The following IFNAR2 variants were observed in gnomAD, a reference collection of about 807,000 sequenced individuals.
IFNAR2 encodes interferon alpha/beta receptor 2.
In IFNAR2, 30 loss-of-function variants were observed where a neutral mutation model predicts 49.4. That is an observed-to-expected ratio of 0.61 (90% confidence interval 0.45 to 0.82). The LOEUF is 0.82. IFNAR2 is among the 40% of genes least tolerant of loss of function. IFNAR2 has a pLI of 0.00. For synonymous variants in IFNAR2, 224 were observed against 234.5 expected (o/e 0.96, Z 0.41); for missense variants, 600 against 622.7 (o/e 0.96, Z 0.39).
rs1242089704 is a variant in IFNAR2 at position 33,263,365 on chromosome 21, G to A, written c.1413G>A (p.Leu471=). The A allele has an allele frequency of 1.9e-6, 3 of 1,614,144 alleles. No homozygotes were observed. In the East Asian group the frequency reaches 6.7e-5, roughly 36 times the overall value. The stretch of plus-strand genomic sequence containing the variant: ...ATAATGTGCAATCAAACCATTTGCT[G>A]GCCAGCGGGGAAGGGACACAGCCAA... ...DPDNVQSNHL[L]ASGEGTQPTF... Residue 471 remains leucine, a synonymous_variant, in exon 9 of 9, where the codon CTG becomes CTA. Transcript: ENST00000342136.
At chr21:33,246,201 G>T (rs974637263) in intron 4 of IFNAR2, among the ~76,000 whole-genome samples, 1 of 152,016 alleles carries the variant, frequency 6.6e-6, no homozygotes, top group Non-Finnish European at 1.5e-5. Flanking sequence ...CTCCCAAGTA[G>T]CTGGGACTAC....
chr21:33,242,590 G>A (rs537084826), intron 2 of IFNAR2, among the ~76,000 whole-genome samples: 33 of 151,468 alleles, frequency 2.2e-4, no homozygotes, highest in African/African-American at 6.1e-4. Flanking sequence ...AAAATTAGGC[G>A]GGCGTGGTGG....
At position 33,246,700 on chromosome 21, in the gene IFNAR2, AT is replaced by A. The variant is rs756745859; in HGVS notation, c.222-11del. The A allele has an allele frequency of 1.9e-6, 3 of 1,600,026 alleles. No individual in the cohort carries two copies. The highest frequency in any genetic ancestry group is 1.3e-5 in the African/African-American group (1 of 74,146). Reference sequence around the variant, plus strand: ...TCAATGCTAACAATTTCCTTTTTCCATTTTTTTCTTTCCAAAGTAAACCAGA... The same window carrying A: ...TCAATGCTAACAATTTCCTTTTTCCATTTTTTCTTTCCAAAGTAAACCAGA... On this transcript the variant is annotated splice_polypyrimidine_tract_variant and intron_variant, in intron 4 of 8. Transcript: ENST00000342136.
At chr21:33,253,819 G>A (rs4817555) in intron 7 of IFNAR2, among the ~76,000 whole-genome samples, 19,407 of 152,168 alleles carry the variant, frequency 0.13, 1,606 homozygotes, top group Non-Finnish European at 0.17. Flanking sequence ...TGGTGAGAGT[G>A]TGGCAGTGAG....
chr21:33,251,820 C>T (rs1293487505), intron 6 of IFNAR2: 33 of 967,654 alleles, frequency 3.4e-5, no homozygotes, highest in Non-Finnish European at 3.9e-5. Context: ...CAGTGGCTTA[C>T]GCCTGTAATC....
chr21:33,231,726 G>C, intron 1 of IFNAR2: 1 of 981,056 alleles, frequency 1.0e-6, no homozygotes, highest in Non-Finnish European at 1.2e-6. Context: ...ATCATGTTTT[G>C]TTTTGTTTGG....
At chr21:33,245,785 T>C (rs1227513098) in intron 4 of IFNAR2, among the ~76,000 whole-genome samples, 1 of 152,212 alleles carries the variant, frequency 6.6e-6, no homozygotes, top group African/African-American at 2.4e-5. Flanking sequence ...GCTTATTGAC[T>C]GAGCCAGTGG....
Position 33,230,245 on chromosome 21 carries a change from C to T in IFNAR2, c.-84+29C>T. 9.1e-7 allele frequency: 1 copy of T among 1,093,912 alleles called. No homozygotes were observed. Among genetic ancestry groups the T allele is most frequent in the South Asian group, 2.0e-5 (1 of 49,922 alleles). 67.8% of individuals were successfully genotyped at this position (1,093,912 alleles called of 1,614,324 possible). A position where few individuals can be genotyped will look rare whatever the true frequency, so the allele number is the denominator to read the frequency against. On this transcript the variant is annotated intron_variant, in intron 1 of 8. Transcript: ENST00000342136. The surrounding 1 kb of genome is among the most constrained non-coding windows in gnomAD (Gnocchi z 5.5). ...ACGCAGCGTGGCGGGGTCGCGGGAG[C>T]GGAGCGCGTGGCCAGCTGACTGGAG...
chr21:33,246,442 T>C (rs1987415451), intron 4 of IFNAR2, among the ~76,000 whole-genome samples: 2 of 152,110 alleles, frequency 1.3e-5, no homozygotes, highest in African/African-American at 4.8e-5. Flanking sequence ...CCTGCCCTCC[T>C]GGAGCAGACA....
At chr21:33,246,538 A>G (rs1280135123) in intron 4 of IFNAR2, among the ~76,000 whole-genome samples, 180 bp from the exon 5 acceptor site, 1 of 152,210 alleles carries the variant, frequency 6.6e-6, no homozygotes, top group Non-Finnish European at 1.5e-5. Context: ...AGGGATTGAA[A>G]GTGCAGGGGT....
At chr21:33,257,283 C>T (rs1472140031) in intron 7 of IFNAR2, among the ~76,000 whole-genome samples, 4 of 152,106 alleles carry the variant, frequency 2.6e-5, no homozygotes, top group Non-Finnish European at 4.4e-5. Flanking sequence ...AGAATGGAGC[C>T]GCAGACCTTC....
intron 1 of IFNAR2, among the ~76,000 whole-genome samples, chr21:33,233,762 T>G (rs1041022780): frequency 2.6e-5 from 4 of 152,044 alleles, no homozygotes; most frequent in African/African-American, 4.8e-5. Flanking sequence ...AATTAAGAGA[T>G]AAATCAAAAT....
At chr21:33,244,878 GA>G in intron 3 of IFNAR2, 72 bp from the exon 4 acceptor site, 1 of 1,517,574 alleles carries the variant, frequency 6.6e-7, no homozygotes, top group Non-Finnish European at 9.1e-7. Context: ...TAGATCCCAA[GA>G]AATGACTGAA....
At chr21:33,235,729 A>G (rs1986401277) in intron 1 of IFNAR2, among the ~76,000 whole-genome samples, 1 of 152,172 alleles carries the variant, frequency 6.6e-6, no homozygotes, top group Non-Finnish European at 1.5e-5. Flanking sequence ...GATCGAGACC[A>G]TCCTGGCTAA....
chr21:33,246,606 C>G, intron 4 of IFNAR2, 112 bp from the exon 5 acceptor site: 1 of 735,240 alleles, frequency 1.4e-6, no homozygotes, highest in Admixed American at 2.8e-5. Flanking sequence ...TCACTTAATA[C>G]AATGATATTT....
intron 8 of IFNAR2, among the ~76,000 whole-genome samples, chr21:33,262,364 CAAAAAAAA>C (rs58341848): frequency 3.1e-5 from 3 of 96,338 alleles, no homozygotes; most frequent in African/African-American, 4.1e-5. Context: ...ACTCCCGTCT[CAAAAAAAA>C]AAAAAAAAAA....
At chr21:33,257,444 A>C (rs1988281907) in intron 7 of IFNAR2, among the ~76,000 whole-genome samples, 1 of 152,182 alleles carries the variant, frequency 6.6e-6, no homozygotes, top group African/African-American at 2.4e-5. Context: ...GCCAGCTTTT[A>C]TTCCCTTATT....
chr21:33,253,215 C>T (rs1349356929), intron 7 of IFNAR2, among the ~76,000 whole-genome samples: 1 of 152,140 alleles, frequency 6.6e-6, no homozygotes, highest in Non-Finnish European at 1.5e-5. Context: ...GTGGAAGCAG[C>T]GAGGTTGGGT....
In IFNAR2 at chr21:33,252,846, T is replaced by C; in HGVS notation, c.709+16T>C. ...CAGGAATCAGGTATGTTCATTTTTT[T>C]AAATTCATGTTTTGAGTATTCATGC... On this transcript the variant is annotated intron_variant, in intron 7 of 8. Transcript: ENST00000342136. The C allele has an allele frequency of 3.8e-6, 6 of 1,599,088 alleles. No homozygotes were observed. The Admixed American group carries it at 1.0e-4, about 27-fold the overall frequency.
Sources: allele counts gnomAD v4.1 joint callset (sites outside exome capture counted in the v4.1 genomes callset), GRCh38; gene constraint gnomAD v4.1.1; non-coding constraint Gnocchi (gnomAD v3.1); transcripts MANE v1.5; gene names NCBI Gene and HGNC (gene_info 2026-07-23, HGNC 2026-07-21).